Variants in ACAN observed in about 807,000 individuals in gnomAD.
ACAN encodes the protein aggrecan core protein.
A neutral mutation model predicts 169.1 loss-of-function variants in ACAN; 47 were observed. The ratio of observed to expected loss-of-function variants is 0.28; its 90% CI spans 0.22 to 0.35. The LOEUF is 0.35. ACAN is among the 10% of genes least tolerant of loss of function. The pLI is 1.00. For missense variants in ACAN, 2,716 were observed against 2,759.9 expected (o/e 0.98, Z 0.36); for synonymous variants, 1,115 against 1,112.2 (o/e 1.00, Z -0.05).
intron 1 of ACAN, among the ~76,000 whole-genome samples, chr15:88,804,908 G>A (rs1895639356): frequency 6.6e-6 from 1 of 152,152 alleles, no homozygotes; most frequent in African/African-American, 2.4e-5. Context: ...GGTGTTTTGG[G>A]GTCCTGGGTG....
At chr15:88,813,374 T>A (rs1037123137) in intron 1 of ACAN, among the ~76,000 whole-genome samples, 1 of 152,212 alleles carries the variant, frequency 6.6e-6, no homozygotes, top group Non-Finnish European at 1.5e-5. Context: ...ATATAGGAAA[T>A]CTGGGACTCA....
intron 11 of ACAN, among the ~76,000 whole-genome samples, chr15:88,852,836 T>G (rs1896960744): frequency 6.6e-6 from 1 of 152,214 alleles, no homozygotes; most frequent in Admixed American, 6.5e-5. Context: ...TGTACAGTAG[T>G]ATGTGTGTAT....
chr15:88,840,542 C>T (rs1213883029), intron 4 of ACAN, among the ~76,000 whole-genome samples: 1 of 152,072 alleles, frequency 6.6e-6, no homozygotes, highest in East Asian at 1.9e-4. Flanking sequence ...TTTAATAAGG[C>T]AAGTTATAAA....
rs1370287727 is a variant in ACAN, at chr15:88,828,417, G to A, written c.-7-7783G>A. Among the ~76,000 whole-genome samples, 3 of 151,932 alleles carry A rather than the reference G, an allele frequency of 2.0e-5. No homozygotes were observed. In the South Asian group the frequency reaches 6.2e-4, roughly 32 times the overall value. On this transcript the variant is annotated intron_variant, in intron 1 of 18. Transcript: ENST00000560601. ...TTCTTTTCTCGCAGCTCCACTACCC[G>A]AGCCTTTTTTTTTGCTCCCCAGAGA...
chr15:88,816,884 A>G (rs1214720889), intron 1 of ACAN, among the ~76,000 whole-genome samples: 1 of 152,084 alleles, frequency 6.6e-6, no homozygotes, highest in Non-Finnish European at 1.5e-5. Context: ...AGCGAGAAAA[A>G]CTTTGAGCCC....
chr15:88,855,029 T>C lies in ACAN; in HGVS notation c.2444T>C (p.Val815Ala). 6.3e-7 allele frequency: 1 copy of C among 1,591,856 alleles called. No homozygotes were observed. Among genetic ancestry groups the C allele is most frequent in the Non-Finnish European group, 8.5e-7 (1 of 1,170,724 alleles). ...PFPSVRPFPS[V>A]ELFPSEEPFP... ...CCCTCAGTGAGGCCATTCCCCTCAG[T>C]GGAGCTGTTCCCCTCAGAGGAGCCA... Residue 815 changes from valine (V) to alanine (A), a missense_variant, in exon 12 of 19, where the codon GTG becomes GCG. Physicochemically the swap from Val to Ala is moderately conservative, Grantham distance 64 (BLOSUM62 0). Around this residue, in one of 3 missense-constraint regions of ACAN, gnomAD observed 1,283 missense variants for 1,281.5 expected, o/e 1.00. Transcript: ENST00000560601.
Position 88,839,182 on chromosome 15 carries a change from T to C in ACAN, c.454+136T>C, listed in dbSNP as rs1200767448. 9.0e-7 allele frequency: 1 copy of C among 1,115,000 alleles called. No homozygotes were observed. The highest frequency in any genetic ancestry group is 1.6e-5 in the African/African-American group (1 of 64,296). 69.1% of individuals were successfully genotyped at this position (1,115,000 alleles called of 1,614,324 possible). A position where few individuals can be genotyped will look rare whatever the true frequency, so the allele number is the denominator to read the frequency against. On this transcript the variant is annotated intron_variant, in intron 3 of 18. Coordinates refer to ENST00000560601, the MANE Select transcript of ACAN (RefSeq NM_001369268.1). This position sits in a 1 kb window ranked among gnomAD's most constrained non-coding sequence, Gnocchi z 4.5. ...CTCAGCCAAGTTACTTAACTTCAGC[T>C]GCTTCCTCTGTGACATGGAGCTGGT...
intron 5 of ACAN, among the ~76,000 whole-genome samples, chr15:88,842,381 T>G (rs147164414): frequency 0.02 from 3,017 of 152,282 alleles, 75 homozygotes; most frequent in African/African-American, 0.057. Context: ...TTTTTCTGTT[T>G]TGTAAAGGGC....
intron 13 of ACAN, among the ~76,000 whole-genome samples, chr15:88,863,722 G>T (rs558433487): frequency 6.6e-6 from 1 of 152,334 alleles, no homozygotes; most frequent in African/African-American, 2.4e-5. Flanking sequence ...TCCTCTAGGA[G>T]AGATGTTTGA....
intron 1 of ACAN, among the ~76,000 whole-genome samples, chr15:88,831,158 G>A (rs1596125074): frequency 6.6e-6 from 1 of 152,226 alleles, no homozygotes; most frequent in African/African-American, 2.4e-5. Context: ...TGAAAGAGAT[G>A]CATAAAATGG....
rs1293914813 is a variant in ACAN at position 88,849,558 on chromosome 15, G to A, written c.1853G>A (p.Gly618Asp). Reference protein sequence around the residue: ...TGQLYAAWSRGLDKCYAGWLA... With the variant: ...TGQLYAAWSRDLDKCYAGWLA... ...CAGCTCTACGCCGCCTGGAGCCGCG[G>A]CCTGGACAAGTGCTATGCCGGCTGG... Residue 618 changes from glycine to aspartate, a missense_variant, in exon 10 of 19, where the codon GGC becomes GAC. Gly to Asp is a moderately conservative substitution (Grantham distance 94). Around this residue, in one of 3 missense-constraint regions of ACAN, gnomAD observed 1,283 missense variants for 1,281.5 expected, o/e 1.00. Coordinates refer to ENST00000560601, the MANE Select transcript of ACAN (RefSeq NM_001369268.1). This position sits in a 1 kb window ranked among gnomAD's most constrained non-coding sequence, Gnocchi z 5.1. The A allele has an allele frequency of 6.2e-7, 1 of 1,606,718 alleles. No homozygotes were observed. Among genetic ancestry groups the A allele is most frequent in the East Asian group, 2.2e-5 (1 of 44,520 alleles).
chr15:88,813,103 G>T (rs1190503425), intron 1 of ACAN, among the ~76,000 whole-genome samples: 1 of 152,188 alleles, frequency 6.6e-6, no homozygotes, highest in African/African-American at 2.4e-5. Flanking sequence ...TGGGACATGA[G>T]CCCCATCTGT....
Position 88,849,002 on chromosome 15 carries a change from G to T in ACAN, c.1733-436G>T, listed in dbSNP as rs1340295903. On this transcript the variant is annotated intron_variant, in intron 9 of 18. Transcript: ENST00000560601. The surrounding 1 kb of genome is among the most constrained non-coding windows in gnomAD (Gnocchi z 5.1). The stretch of plus-strand genomic sequence containing the variant: ...CCTGGATGAGTTCCCAGGGTGTGGG[G>T]TGAGCACGTCCACAGCAGTCACAGT... 6.6e-6 allele frequency among the ~76,000 whole-genome samples: 1 copy of T among 152,220 alleles called. No individual in the cohort carries two copies. Among genetic ancestry groups the T allele is most frequent in the Non-Finnish European group, 1.5e-5 (1 of 68,040 alleles).
chr15:88,845,359 G>C, intron 6 of ACAN, 146 bp from the exon 7 acceptor site: 1 of 1,226,702 alleles, frequency 8.2e-7, no homozygotes, highest in South Asian at 1.8e-5. Flanking sequence ...CCTGAAATGG[G>C]CTTGGCAAGG....
Position 88,851,454 on chromosome 15 carries a change from C to G in ACAN, c.2027-340C>G, listed in dbSNP as rs1896928065. ...ATCATGTAACTCTGTGCCTCAGTTT[C>G]CCCATCTGTAAAATGAGATAATCAT... On this transcript the variant is annotated intron_variant, in intron 10 of 18. Coordinates refer to ENST00000560601, the MANE Select transcript of ACAN (RefSeq NM_001369268.1). The surrounding 1 kb of genome is among the most constrained non-coding windows in gnomAD (Gnocchi z 4.3). 4.6e-6 allele frequency: 1 copy of G among 216,846 alleles called. No homozygotes were observed. The highest frequency in any genetic ancestry group is 9.1e-6 in the Non-Finnish European group (1 of 109,964). The allele number at this position is 216,846 out of a possible 1,614,324, so 13.4% of individuals were successfully genotyped here. A position where few individuals can be genotyped will look rare whatever the true frequency, so the allele number is the denominator to read the frequency against.
intron 1 of ACAN, among the ~76,000 whole-genome samples, chr15:88,804,680 G>GCTGCAAC (rs956706009): frequency 2.0e-5 from 3 of 152,196 alleles, no homozygotes; most frequent in African/African-American, 7.2e-5. Context: ...GGCAGAGCAA[G>GCTGCAAC]CTGCGGGGGT....
intron 13 of ACAN, among the ~76,000 whole-genome samples, chr15:88,862,866 C>T (rs781209151): frequency 7.2e-5 from 11 of 151,876 alleles, no homozygotes; most frequent in South Asian, 2.1e-4. Flanking sequence ...GGTGTGGTGG[C>T]GCACCCCTGT....
Position 88,803,592 on chromosome 15 carries a change from G to C in ACAN, c.-225G>C, listed in dbSNP as rs1167243302. The C allele has an allele frequency of 6.6e-6, 1 of 152,062 alleles. No individual in the cohort carries two copies. The allele number at this position is 152,062 out of a possible 1,614,324, so 9.4% of individuals were successfully genotyped here. On this transcript the variant is annotated 5_prime_UTR_variant, in exon 1 of 19. Coordinates refer to ENST00000560601, the MANE Select transcript of ACAN (RefSeq NM_001369268.1). The stretch of plus-strand genomic sequence containing the variant: ...GCACCTTTCAGTGTCCATTCCCTCA[G>C]CCAGCCAGGACTCCGCAACCCAGCA...
rs767430560 is a variant in ACAN at position 88,855,270 on chromosome 15, C to T, written c.2685C>T (p.Pro895=). 4 of 1,610,098 alleles carry T rather than the reference C, an allele frequency of 2.5e-6. No individual in the cohort carries two copies. Among genetic ancestry groups the T allele is most frequent in the African/African-American group, 1.3e-5 (1 of 74,850 alleles). ...QLSGDRASGL[P]SGDLDSSGLT... is the part of the protein sequence containing the mutation. ...CAGGGGACAGGGCAAGTGGACTGCC[C>T]TCTGGAGACCTGGACTCCAGTGGTC... The change falls in exon 12 of 19, where the codon CCC becomes CCT. Residue 895 remains proline (P), a synonymous_variant. Coordinates refer to ENST00000560601, the MANE Select transcript of ACAN (RefSeq NM_001369268.1).
Sources: gnomAD v4.1 joint callset for allele counts (sites outside exome capture counted in the v4.1 genomes callset) on GRCh38, gnomAD v4.1.1 for gene constraint, gnomAD v4.1.1 regional missense constraint, Gnocchi (gnomAD v3.1) non-coding constraint, MANE v1.5 for transcripts, NCBI Gene and HGNC (gene_info 2026-07-23, HGNC 2026-07-21) for gene names.